The following MMP9 variants were observed in gnomAD, a reference collection of about 807,000 sequenced individuals.
MMP9 encodes matrix metalloproteinase-9.
Under a neutral mutation model 76.4 loss-of-function variants are expected in MMP9, and 73 were observed. The ratio of observed to expected loss-of-function variants is 0.96; its 90% CI spans 0.79 to 1.16. MMP9 has a LOEUF of 1.16. Among genes scored for constraint, MMP9 ranks in the 50% most tolerant of loss-of-function variants. The pLI is 0.00. For synonymous variants in MMP9, 412 were observed against 408.4 expected (o/e 1.01, Z -0.11); for missense variants, 943 against 973.0 (o/e 0.97, Z 0.41).
intron 2 of MMP9, 150 bp from the exon 3 acceptor site, chr20:46,010,333 A>AAAAAAAAAAAAAAAAAAAACC (rs796972949): frequency 1.2e-6 from 1 of 827,450 alleles, no homozygotes; most frequent in African/African-American, 2.2e-5. Flanking sequence ...AAAAAAAAAA[A>AAAAAAAAAAAAAAAAAAAACC]AAAAAAAACA....
In MMP9 at chr20:46,014,111, T is replaced by TC; in HGVS notation, c.1751-11dup. On this transcript the variant is annotated splice_polypyrimidine_tract_variant and intron_variant, in intron 10 of 12. Transcript: ENST00000372330. ...CTGCGCCCCCAAACCGACGTGACCCTCCTCCCCTGCAGGGCGCCAGGTGTG... is the reference window on the plus strand; with the variant it reads ...CTGCGCCCCCAAACCGACGTGACCCTCCCTCCCCTGCAGGGCGCCAGGTGTG... The TC allele has an allele frequency of 6.5e-7, 1 of 1,534,488 alleles. No homozygotes were observed. The highest frequency in any genetic ancestry group is 8.7e-7 in the Non-Finnish European group (1 of 1,146,604).
At chr20:46,012,045 C>A (rs2084283402) in intron 6 of MMP9, 92 bp from the exon 7 acceptor site, 1 of 1,520,570 alleles carries the variant, frequency 6.6e-7, no homozygotes, top group Non-Finnish European at 9.0e-7. Context: ...GCCCCCTAGG[C>A]CACCAAGATT....
chr20:46,016,138 C>A, intron 12 of MMP9, 112 bp from the exon 13 acceptor site: 1 of 1,073,716 alleles, frequency 9.3e-7, no homozygotes, highest in Non-Finnish European at 1.5e-6. Flanking sequence ...TATGTGAAAA[C>A]CTTAGAAAGT....
chr20:46,009,198 G>A lies in MMP9; in HGVS notation c.138+134G>A. 2.9e-6 allele frequency: 3 copies of A among 1,039,770 alleles called. No individual in the cohort carries two copies. The South Asian group carries it at 4.1e-5, about 14-fold the overall frequency. The allele number at this position is 1,039,770 out of a possible 1,614,324, so 64.4% of individuals were successfully genotyped here. A position where few individuals can be genotyped will look rare whatever the true frequency, so the allele number is the denominator to read the frequency against. On this transcript the variant is annotated intron_variant, in intron 1 of 12. Transcript: ENST00000372330. ...TGATGGGCGTATCTGAAGAACAGAG[G>A]TGTCCAGGGTTAGGCAGTGGGGGGT...
intron 10 of MMP9, 33 bp from the exon 11 acceptor site, chr20:46,014,091 C>A (rs892440852): frequency 6.5e-7 from 1 of 1,534,026 alleles, no homozygotes; most frequent in Non-Finnish European, 8.7e-7. Flanking sequence ...TCCCTCTGCG[C>A]CCCCAAACCG....
Position 46,014,196 on chromosome 20 carries a change from C to G in MMP9, c.1823C>G (p.Ala608Gly). The change falls in exon 11 of 13, where the codon GCC becomes GGC. Residue 608 changes from alanine to glycine, a missense_variant. By Grantham distance (60) the Ala-to-Gly change is moderately conservative. Coordinates refer to ENST00000372330, the MANE Select transcript of MMP9 (RefSeq NM_004994.3). ...PRRLDKLGLGADVAQVTGALR... is the reference protein window; with the variant it reads ...PRRLDKLGLGGDVAQVTGALR... Reference sequence around the variant, plus strand: ...CGTCTGGACAAGCTGGGCCTGGGAGCCGACGTGGCCCAGGTGACCGGGGCC... The same window carrying G: ...CGTCTGGACAAGCTGGGCCTGGGAGGCGACGTGGCCCAGGTGACCGGGGCC... 1 of 1,538,180 alleles carries G rather than the reference C, an allele frequency of 6.5e-7. No individual in the cohort carries two copies. Among genetic ancestry groups the G allele is most frequent in the South Asian group, 1.2e-5 (1 of 83,838 alleles).
chr20:46,013,954 C>G lies in MMP9; in HGVS notation c.1750+158C>G. The G allele has an allele frequency of 7.2e-7, 1 of 1,384,216 alleles. No homozygotes were observed. The allele number at this position is 1,384,216 out of a possible 1,614,324, so 85.7% of individuals were successfully genotyped here. ...AACGTAGGGGCGGCTGAGTTTCTGC[C>G]CCCTCCTCTCCACGCCCTCGCGTCG... On this transcript the variant is annotated intron_variant, in intron 10 of 12. Coordinates refer to ENST00000372330, the MANE Select transcript of MMP9 (RefSeq NM_004994.3). The surrounding 1 kb of genome is among the most constrained non-coding windows in gnomAD (Gnocchi z 4.5).
rs796972949 is a variant in MMP9, at chr20:46,010,333, A to AAAAAAAAAAAAAAAAAAAAC, written c.372-142_372-141insAAAAAAAAAAACAAAAAAAA. The AAAAAAAAAAAAAAAAAAAAC allele has an allele frequency of 1.8e-3, 1,508 of 828,178 alleles. 72 individuals carry two copies. In the African/African-American group the frequency reaches 0.031, roughly 17 times the overall value. 51.3% of individuals were successfully genotyped at this position (828,178 alleles called of 1,614,324 possible). On this transcript the variant is annotated intron_variant, in intron 2 of 12. Coordinates refer to ENST00000372330, the MANE Select transcript of MMP9 (RefSeq NM_004994.3). ...GGGTCTAAGTAGACAAAAAAAAAAA[A>AAAAAAAAAAAAAAAAAAAAC]AAAAAAAACAGTCTGGAAGCAATTT...
intron 6 of MMP9, 125 bp from the exon 7 acceptor site, chr20:46,012,012 T>G (rs2084283252): frequency 7.6e-7 from 1 of 1,316,240 alleles, no homozygotes; most frequent in African/African-American, 1.5e-5. Flanking sequence ...GGGTCTAGCC[T>G]CTTCTCAGGA....
chr20:46,013,457 G>T lies in MMP9; in HGVS notation c.1533G>T (p.Pro511=). 6.2e-7 allele frequency: 1 copy of T among 1,614,058 alleles called. No homozygotes were observed. The highest frequency in any genetic ancestry group is 1.3e-5 in the African/African-American group (1 of 75,028). The part of the protein sequence containing the change: ...PSTATTVPLS[P]VDDACNVNIF... ...CGGCCACTACTGTGCCTTTGAGTCC[G>T]GTGGACGATGCCTGCAACGTGAACA... Residue 511 remains proline (P), a synonymous_variant, in exon 9 of 13, where the codon CCG becomes CCT. Coordinates refer to ENST00000372330, the MANE Select transcript of MMP9 (RefSeq NM_004994.3). The surrounding 1 kb of genome is among the most constrained non-coding windows in gnomAD (Gnocchi z 4.5).
rs1568846766 is a variant in MMP9, at chr20:46,010,525, C to G, written c.414C>G (p.Asp138Glu). The G allele has an allele frequency of 1.5e-5, 24 of 1,614,218 alleles. No individual in the cohort carries two copies. Among genetic ancestry groups the G allele is most frequent in the Non-Finnish European group, 1.7e-5 (20 of 1,180,054 alleles). ...YSEDLPRAVIDDAFARAFALW... is the reference protein window; with the variant it reads ...YSEDLPRAVIEDAFARAFALW... Reference sequence around the variant, plus strand: ...AAGACTTGCCGCGGGCGGTGATTGACGACGCCTTTGCCCGCGCCTTCGCAC... The same window carrying G: ...AAGACTTGCCGCGGGCGGTGATTGAGGACGCCTTTGCCCGCGCCTTCGCAC... The change falls in exon 3 of 13, where the codon GAC (aspartate) becomes GAG (glutamate). Residue 138 changes from aspartate (D) to glutamate (E), a missense_variant. Transcript: ENST00000372330.
Position 46,011,738 on chromosome 20 carries a change from C to T in MMP9, c.988C>T (p.Pro330Ser), listed in dbSNP as rs777952347. The change falls in exon 6 of 13, where the codon CCG becomes TCG. Residue 330 changes from proline (P) to serine (S), a missense_variant. Transcript: ENST00000372330. The stretch of plus-strand genomic sequence containing the variant: ...CCGGGACAAGCTCTTCGGCTTCTGC[C>T]CGACCCGAGGTACCTCCACCCTGTC... The part of the protein sequence containing the change: ...YDRDKLFGFC[P>S]TRADSTVMGG... 20 of 1,611,776 alleles carry T rather than the reference C, an allele frequency of 1.2e-5. No homozygotes were observed. The Admixed American group carries it at 3.0e-4, about 24-fold the overall frequency.
rs796972949 is a variant in MMP9, at chr20:46,010,333, A to AAAAAAAAAAAAAACAAAAAC, written c.372-142_372-141insAAAAACAAAAACAAAAAAAA. 7.3e-6 allele frequency: 6 copies of AAAAAAAAAAAAAACAAAAAC among 827,446 alleles called. No individual in the cohort carries two copies. The African/African-American group carries it at 1.3e-4, about 18-fold the overall frequency. 51.3% of individuals were successfully genotyped at this position (827,446 alleles called of 1,614,324 possible). A position where few individuals can be genotyped will look rare whatever the true frequency, so the allele number is the denominator to read the frequency against. Reference sequence around the variant, plus strand: ...GGGTCTAAGTAGACAAAAAAAAAAAAAAAAAAAACAGTCTGGAAGCAATTT... The same window carrying AAAAAAAAAAAAAACAAAAAC: ...GGGTCTAAGTAGACAAAAAAAAAAAAAAAAAAAAAAAAACAAAAACAAAAAAAACAGTCTGGAAGCAATTT... On this transcript the variant is annotated intron_variant, in intron 2 of 12. Coordinates refer to ENST00000372330, the MANE Select transcript of MMP9 (RefSeq NM_004994.3).
Position 46,016,236 on chromosome 20 carries a change from C to A in MMP9, c.2006-14C>A. 1 of 1,606,940 alleles carries A rather than the reference C, an allele frequency of 6.2e-7. No individual in the cohort carries two copies. The highest frequency in any genetic ancestry group is 8.5e-7 in the Non-Finnish European group (1 of 1,173,438). Reference sequence around the variant, plus strand: ...ATTAGAATCACTCCTCTTATGCCTGCCTGTCTCCTGCAGAGAAAGCCTATT... The same window carrying A: ...ATTAGAATCACTCCTCTTATGCCTGACTGTCTCCTGCAGAGAAAGCCTATT... On this transcript the variant is annotated splice_polypyrimidine_tract_variant and intron_variant, in intron 12 of 12. Transcript: ENST00000372330.
chr20:46,009,821 G>C (rs2145450611), intron 1 of MMP9, 45 bp from the exon 2 acceptor site: 1 of 1,521,602 alleles, frequency 6.6e-7, no homozygotes, highest in East Asian at 2.5e-5. Flanking sequence ...GCTGGGCAGA[G>C]AAAGGGGTCA....
intron 6 of MMP9, 82 bp downstream of exon 6, chr20:46,011,829 AGTTT>A: frequency 4.0e-6 from 6 of 1,498,300 alleles, no homozygotes; most frequent in South Asian, 1.2e-5. Context: ...CCCTCCCATC[AGTTT>A]GTCTTTCCAC....
chr20:46,010,092 C>T lies in MMP9; in HGVS notation c.365C>T (p.Thr122Ile). The T allele has an allele frequency of 6.5e-7, 1 of 1,547,034 alleles. No homozygotes were observed. Among genetic ancestry groups the T allele is most frequent in the South Asian group, 1.2e-5 (1 of 83,956 alleles). The change falls in exon 2 of 13, where the codon ACC becomes ATC. Residue 122 changes from threonine (T) to isoleucine (I), a missense_variant. By Grantham distance (89) the Thr-to-Ile change is moderately conservative. Transcript: ENST00000372330. ...GDLKWHHHNI[T>I]YWIQNYSEDL... ...CTCAAGTGGCACCACCACAACATCA[C>T]CTATTGGTGAGCCGGGGCCGTGGGG...
At position 46,012,147 on chromosome 20, in the gene MMP9, G is replaced by A. The variant is rs753967016; in HGVS notation, c.1008G>A (p.Thr336=). ...FGFCPTRADS[T]VMGGNSAGEL... Reference sequence around the variant, plus strand: ...CTTGGGTCTCTCCAGCTGACTCGACGGTGATGGGGGGCAACTCGGCGGGGG... The same window carrying A: ...CTTGGGTCTCTCCAGCTGACTCGACAGTGATGGGGGGCAACTCGGCGGGGG... Residue 336 remains threonine, a synonymous_variant, in exon 7 of 13, where the codon ACG becomes ACA. Coordinates refer to ENST00000372330, the MANE Select transcript of MMP9 (RefSeq NM_004994.3). The A allele has an allele frequency of 2.5e-6, 4 of 1,613,876 alleles. No individual in the cohort carries two copies. The highest frequency in any genetic ancestry group is 3.3e-5 in the Admixed American group (2 of 59,996).
At chr20:46,009,151 T>C (rs1393502275) in intron 1 of MMP9, 87 bp downstream of exon 1, 3 of 1,423,148 alleles carry the variant, frequency 2.1e-6, no homozygotes, top group Non-Finnish European at 1.9e-6. Context: ...TCAGAGGAGA[T>C]GCTTTAGGGG....
Sources: allele counts gnomAD v4.1 joint callset, GRCh38; gene constraint gnomAD v4.1.1; non-coding constraint Gnocchi (gnomAD v3.1); transcripts MANE v1.5; gene names NCBI Gene and HGNC (gene_info 2026-07-23, HGNC 2026-07-21).